Variants in STARD13 observed in about 807,000 individuals in gnomAD.
The protein encoded by STARD13 is StAR related lipid transfer domain containing 13, also known as stAR-related lipid transfer protein 13.
Under a neutral mutation model 106.4 loss-of-function variants are expected in STARD13, and 62 were observed. The ratio of observed to expected loss-of-function variants is 0.58; its 90% CI spans 0.48 to 0.72. The LOEUF (loss-of-function observed/expected upper bound fraction) is 0.72, where lower values mean the gene tolerates loss of function less well. Among genes scored for constraint, STARD13 ranks in the 30% least tolerant of loss-of-function variants. The pLI is 0.00. For missense variants in STARD13, 1,387 were observed against 1,424.0 expected, an observed-to-expected ratio of 0.97 and a Z score of 0.42; for synonymous variants, 565 against 553.0, an observed-to-expected ratio of 1.02 and a Z score of -0.31.
chr13:33,272,975 A>G (rs1431085613), intron 1 of STARD13: 4 of 152,172 alleles, frequency 2.6e-5, no homozygotes, highest in African/African-American at 9.7e-5. Flanking sequence ...TTTACCGGTT[A>G]ATGTTTTACA....
the STARD13 span, among the ~76,000 whole-genome samples, chr13:33,574,633 T>G: frequency 5.3e-5 from 8 of 152,158 alleles, no homozygotes; most frequent in African/African-American, 1.9e-4. Context: ...TCCCAGCTAC[T>G]TGGGAGCCTG....
At chr13:33,232,772 T>G (rs79213668) in intron 1 of STARD13, among the ~76,000 whole-genome samples, 19,265 of 152,220 alleles carry the variant, frequency 0.13, 1,965 homozygotes, top group African/African-American at 0.29. Flanking sequence ...CAACCCTCAC[T>G]CAAGGGAATG....
chr13:33,239,943 T>G (rs889729570), intron 1 of STARD13, among the ~76,000 whole-genome samples: 2 of 152,168 alleles, frequency 1.3e-5, no homozygotes, highest in Non-Finnish European at 2.9e-5. Context: ...GTGTTTTGCA[T>G]GTCATATCAA....
At chr13:33,280,162 A>C (rs1891698379) in intron 1 of STARD13, 2 of 152,198 alleles carry the variant, frequency 1.3e-5, no homozygotes, top group East Asian at 1.9e-4. Context: ...TTAGGCTGAC[A>C]TTACCCAGTT....
Position 33,142,346 on chromosome 13 carries a change from G to T in STARD13, c.351C>A (p.Ala117=). The change falls in exon 4 of 14, where the codon GCC becomes GCA. Residue 117 remains alanine, a synonymous_variant. Transcript: ENST00000336934. Reference sequence around the variant, plus strand: ...GGAAGTTCACATCAAGTTTCATTGAGGCACACTTGTTCAACGTATTTAGTC... The same window carrying T: ...GGAAGTTCACATCAAGTTTCATTGATGCACACTTGTTCAACGTATTTAGTC... ...CRRLNTLNKC[A]SMKLDVNFQR... 1.9e-6 allele frequency: 3 copies of T among 1,613,976 alleles called. No individual in the cohort carries two copies. Among genetic ancestry groups the T allele is most frequent in the Non-Finnish European group, 2.5e-6 (3 of 1,179,966 alleles).
At chr13:33,593,895 C>A in the STARD13 span, among the ~76,000 whole-genome samples, 3 of 151,900 alleles carry the variant, frequency 2.0e-5, no homozygotes, top group Admixed American at 2.0e-4. Context: ...ATAGCACCTA[C>A]TTCTGTTTTT....
chr13:33,172,910 A>C (rs1166081228), intron 1 of STARD13, among the ~76,000 whole-genome samples: 1 of 152,206 alleles, frequency 6.6e-6, no homozygotes, highest in African/African-American at 2.4e-5. Context: ...ACTGGCTCCA[A>C]TTTAAATAGG....
rs148278209 is a variant in STARD13, at chr13:33,118,151, G to A, written c.2195C>T (p.Ala732Val). The A allele has an allele frequency of 9.9e-6, 16 of 1,614,080 alleles. No individual in the cohort carries two copies. Among genetic ancestry groups the A allele is most frequent in the African/African-American group, 2.7e-5 (2 of 74,922 alleles). Reference sequence around the variant, plus strand: ...CCGGAAGAACTGTTTCACCATATCCGCCACATCATAAGCAGACTGGTCTTC... The same window carrying A: ...CCGGAAGAACTGTTTCACCATATCCACCACATCATAAGCAGACTGGTCTTC... ...NYEDQSAYDVADMVKQFFRDL... is the reference protein window; with the variant it reads ...NYEDQSAYDVVDMVKQFFRDL... The change falls in exon 8 of 14, where the codon GCG becomes GTG. Residue 732 changes from alanine to valine, a missense_variant. Physicochemically the swap from Ala to Val is moderately conservative, Grantham distance 64. Coordinates refer to ENST00000336934, the MANE Select transcript of STARD13 (RefSeq NM_178006.4).
chr13:33,213,279 A>C (rs1366532814), intron 1 of STARD13, among the ~76,000 whole-genome samples: 2 of 152,184 alleles, frequency 1.3e-5, no homozygotes, highest in Non-Finnish European at 2.9e-5. Context: ...AGAGTTATAC[A>C]CTCTGGCTTA....
chr13:33,279,985 AACAG>A (rs1393767772), intron 1 of STARD13: 1 of 151,988 alleles, frequency 6.6e-6, no homozygotes, highest in African/African-American at 2.4e-5. Flanking sequence ...AAAAAAAACA[AACAG>A]ACAGAACTTG....
chr13:33,625,300 G>A, the STARD13 span, among the ~76,000 whole-genome samples: 2 of 152,166 alleles, frequency 1.3e-5, no homozygotes, highest in African/African-American at 4.8e-5. Flanking sequence ...GTCCGGGTGT[G>A]GTGGCTCACG....
chr13:33,351,918 TTCCC>T (rs2078082663), upstream of STARD13, among the ~76,000 whole-genome samples: 1 of 152,198 alleles, frequency 6.6e-6, no homozygotes, highest in Non-Finnish European at 1.5e-5. Context: ...CTAGTAAATA[TTCCC>T]TCCATCAGTT....
At chr13:33,616,962 G>T in the STARD13 span, among the ~76,000 whole-genome samples, 117 of 152,252 alleles carry the variant, frequency 7.7e-4, 1 homozygote, top group African/African-American at 2.6e-3. Context: ...GGTAGGGAGC[G>T]TCCCTAAGGA....
At chr13:33,132,255 A>G (rs953310308) in intron 4 of STARD13, among the ~76,000 whole-genome samples, 6 of 152,208 alleles carry the variant, frequency 3.9e-5, no homozygotes, top group Non-Finnish European at 7.3e-5. Flanking sequence ...AATCTTGAAT[A>G]TTGTAGCTCC....
the STARD13 span, among the ~76,000 whole-genome samples, chr13:33,591,674 A>T: frequency 6.6e-6 from 1 of 152,050 alleles, no homozygotes; most frequent in Admixed American, 6.6e-5. Context: ...GATTCTGCTC[A>T]TTTTTCTGGA....
chr13:33,199,446 CT>C (rs1166886632), intron 1 of STARD13, among the ~76,000 whole-genome samples: 5 of 152,120 alleles, frequency 3.3e-5, no homozygotes, highest in Admixed American at 3.3e-4. Flanking sequence ...CATTTAGGTC[CT>C]TTGTAGAAGT....
At chr13:33,395,958 C>T in the STARD13 span, among the ~76,000 whole-genome samples, 2 of 152,160 alleles carry the variant, frequency 1.3e-5, no homozygotes, top group Admixed American at 6.5e-5. Context: ...CCTCCTGCCT[C>T]AGCCTCCTGA....
Position 33,302,561 on chromosome 13 carries a change from C to T in STARD13, c.124+47729G>A, listed in dbSNP as rs554520053. 2.4e-4 allele frequency among the ~76,000 whole-genome samples: 36 copies of T among 152,186 alleles called. 1 individual carries two copies. The South Asian group carries it at 5.8e-3, about 25-fold the overall frequency. ...CCTCCCAAGTAGCTGGGACCACAGGCGTGTGCCACCCCCACCATACCTAGC... is the reference window on the plus strand; with the variant it reads ...CCTCCCAAGTAGCTGGGACCACAGGTGTGTGCCACCCCCACCATACCTAGC... On this transcript the variant is annotated intron_variant, in intron 1 of 5. Coordinates refer to the STARD13 transcript ENST00000567873.
At chr13:33,652,498 C>A in the STARD13 span, among the ~76,000 whole-genome samples, 2 of 152,188 alleles carry the variant, frequency 1.3e-5, no homozygotes, top group African/African-American at 4.8e-5. Flanking sequence ...ACATTTTATT[C>A]ACAATCTACT....
Sources: allele counts gnomAD v4.1 joint callset (sites outside exome capture counted in the v4.1 genomes callset), GRCh38; gene constraint gnomAD v4.1.1; transcripts MANE v1.5; gene names NCBI Gene and HGNC (gene_info 2026-07-23, HGNC 2026-07-21).